Variants in NGEF observed in about 807,000 individuals in gnomAD.
NGEF encodes ephexin-1.
NGEF carries 31 observed loss-of-function variants against 80.9 expected under a neutral mutation model. The observed-to-expected ratio is 0.38, with a 90% confidence interval of 0.29 to 0.52. NGEF has a LOEUF of 0.52. Ranked by LOEUF, NGEF falls within the 20% of genes least tolerant of loss-of-function variation. NGEF has a pLI of 0.84. For synonymous variants in NGEF, 371 were observed against 370.2 expected, an observed-to-expected ratio of 1.00 and a Z score of -0.03; for missense variants, 709 against 926.2, an observed-to-expected ratio of 0.77 and a Z score of 3.04.
At chr2:232,929,659 T>C (rs1693179441) in intron 3 of NGEF, among the ~76,000 whole-genome samples, 1 of 152,176 alleles carries the variant, frequency 6.6e-6, no homozygotes, top group African/African-American at 2.4e-5. Flanking sequence ...GACCCAGGTA[T>C]CTCCAGGCAG....
At chr2:232,907,007 A>G (rs545266302) in intron 5 of NGEF, among the ~76,000 whole-genome samples, 2 of 150,816 alleles carry the variant, frequency 1.3e-5, no homozygotes, top group East Asian at 3.9e-4. Context: ...AGTCATCACC[A>G]CTCCCTAATC....
At chr2:232,916,068 C>T (rs1021002010) in intron 5 of NGEF, among the ~76,000 whole-genome samples, 2 of 152,206 alleles carry the variant, frequency 1.3e-5, no homozygotes, top group African/African-American at 4.8e-5. Context: ...CTCTTGGGAA[C>T]AGCCTTTCTA....
intron 3 of NGEF, among the ~76,000 whole-genome samples, chr2:232,969,247 A>G (rs993165267): frequency 2.7e-5 from 4 of 150,040 alleles, no homozygotes; most frequent in African/African-American, 7.4e-5. Flanking sequence ...CACATTTGCA[A>G]CATAATAAAA....
chr2:232,990,988 T>C (rs1291816223), intron 1 of NGEF, among the ~76,000 whole-genome samples: 1 of 152,084 alleles, frequency 6.6e-6, no homozygotes, highest in Non-Finnish European at 1.5e-5. Context: ...AACATGATCA[T>C]CTTATTAGGC....
chr2:232,906,853 C>G, intron 5 of NGEF, among the ~76,000 whole-genome samples: 1 of 151,646 alleles, frequency 6.6e-6, no homozygotes, highest in Non-Finnish European at 1.5e-5. Context: ...ATTCTTCTGC[C>G]TTGGGATCCT....
At position 232,894,912 on chromosome 2, in the gene NGEF, A is replaced by G; in HGVS notation, c.833T>C (p.Met278Thr). The change falls in exon 6 of 15, where the codon ATG (methionine) becomes ACG (threonine). Residue 278 changes from methionine to threonine, a missense_variant. Physicochemically the swap from Met to Thr is moderately conservative, Grantham distance 81. Around this residue, in one of 2 missense-constraint regions of NGEF, gnomAD observed 426 missense variants for 622.9 expected, o/e 0.68. Transcript: ENST00000264051. Reference sequence around the variant, plus strand: ...CGCCTCGGAAGTGACCAGCTCGAACATGGCCTGTAGCAGGGAGACCCCATG... The same window carrying G: ...CGCCTCGGAAGTGACCAGCTCGAACGTGGCCTGTAGCAGGGAGACCCCATG... The part of the protein sequence containing the change: ...QPEEIKLQEA[M>T]FELVTSEASY... The G allele has an allele frequency of 6.3e-7, 1 of 1,585,950 alleles. No homozygotes were observed. The highest frequency in any genetic ancestry group is 2.3e-5 in the East Asian group (1 of 44,152).
At chr2:232,927,276 G>A in intron 3 of NGEF, 90 bp from the exon 4 acceptor site, 1 of 1,407,984 alleles carries the variant, frequency 7.1e-7, no homozygotes, top group East Asian at 2.5e-5. Flanking sequence ...ACAGGCGGCT[G>A]CTAGCCAGCC....
At chr2:233,012,885 G>A (rs1459814671) in intron 1 of NGEF, 183 bp downstream of exon 1, 1 of 471,040 alleles carries the variant, frequency 2.1e-6, no homozygotes, top group East Asian at 6.9e-5. Flanking sequence ...GGGCAGTGCT[G>A]AAGCCGAGAC....
chr2:232,922,185 C>T (rs1256348475), intron 4 of NGEF, among the ~76,000 whole-genome samples: 1 of 152,188 alleles, frequency 6.6e-6, no homozygotes, highest in Admixed American at 6.5e-5. Flanking sequence ...TCTTACAACG[C>T]AGTACAACTG....
At chr2:232,975,337 A>T (rs902479236) in intron 1 of NGEF, among the ~76,000 whole-genome samples, 1 of 152,226 alleles carries the variant, frequency 6.6e-6, no homozygotes, top group Non-Finnish European at 1.5e-5. Flanking sequence ...AGGAAAAGAA[A>T]GTCTCAGAAG....
At chr2:232,950,683 T>A (rs1379256637) in intron 3 of NGEF, among the ~76,000 whole-genome samples, 1 of 152,194 alleles carries the variant, frequency 6.6e-6, no homozygotes, top group Admixed American at 6.5e-5. Flanking sequence ...CAGGTGCACA[T>A]GGACTGGGTG....
intron 5 of NGEF, among the ~76,000 whole-genome samples, chr2:232,899,155 CAGTG>C (rs998376224): frequency 3.3e-5 from 5 of 150,806 alleles, no homozygotes; most frequent in Admixed American, 6.6e-5. Context: ...GAGTGTGTGA[CAGTG>C]GGTGAATGTG....
intron 1 of NGEF, among the ~76,000 whole-genome samples, chr2:232,985,243 G>A (rs1407141158): frequency 6.6e-6 from 1 of 152,190 alleles, no homozygotes; most frequent in African/African-American, 2.4e-5. Flanking sequence ...GTTAATCCCA[G>A]TTCCCAACTT....
At chr2:233,012,693 T>G in intron 1 of NGEF, 1 of 377,562 alleles carries the variant, frequency 2.6e-6, no homozygotes, top group South Asian at 2.0e-5. Context: ...TAATGCTGTG[T>G]TGTTGTCCTT....
intron 2 of NGEF, 61 bp from the exon 3 acceptor site, chr2:232,970,389 C>A (rs1694161506): frequency 9.1e-7 from 1 of 1,104,398 alleles, no homozygotes; most frequent in East Asian, 2.6e-5. Flanking sequence ...TCAGGCAATT[C>A]TCTGTAAGCC....
chr2:232,888,794 G>A (rs1385244390), intron 8 of NGEF, among the ~76,000 whole-genome samples: 1 of 152,224 alleles, frequency 6.6e-6, no homozygotes, highest in Admixed American at 6.5e-5. Context: ...TCTTCTCCAT[G>A]AAAGTGTAAG....
rs1236133187 is a variant in NGEF, at chr2:232,953,375, GA to G, written c.383+16838del. On this transcript the variant is annotated intron_variant, in intron 3 of 14. Coordinates refer to ENST00000264051, the MANE Select transcript of NGEF (RefSeq NM_019850.3). The stretch of plus-strand genomic sequence containing the variant: ...AAAGAAAGAAAGAAAGAGAGAGAGA[GA>G]AAAGTGACCAGTGTGTCTGCCTGTT... Among the ~76,000 whole-genome samples the G allele has an allele frequency of 1.6e-3, 143 of 92,028 alleles. 2 individuals are homozygous for G. The highest frequency in any genetic ancestry group is 3.9e-3 in the African/African-American group (123 of 31,646). 60.4% of individuals were successfully genotyped at this position (92,028 alleles called of 152,430 possible). A position where few individuals can be genotyped will look rare whatever the true frequency, so the allele number is the denominator to read the frequency against.
chr2:232,903,222 A>G (rs1189313827), intron 5 of NGEF, among the ~76,000 whole-genome samples: 1 of 151,378 alleles, frequency 6.6e-6, no homozygotes, highest in Non-Finnish European at 1.5e-5. Context: ...TAGATGTTCA[A>G]TCTTCCATGA....
chr2:232,956,163 A>T (rs1408070200), intron 3 of NGEF, among the ~76,000 whole-genome samples: 1 of 152,072 alleles, frequency 6.6e-6, no homozygotes, highest in African/African-American at 2.4e-5. Context: ...ACCCGAGGCC[A>T]CATGCTGCTA....
Sources: gnomAD v4.1 joint callset for allele counts (sites outside exome capture counted in the v4.1 genomes callset) on GRCh38, gnomAD v4.1.1 for gene constraint, gnomAD v4.1.1 regional missense constraint, MANE v1.5 for transcripts, NCBI Gene and HGNC (gene_info 2026-07-23, HGNC 2026-07-21) for gene names.